The following RANBP2 variants were observed in gnomAD, a reference collection of about 807,000 sequenced individuals.
RANBP2 encodes the protein RAN binding protein 2.
RANBP2 carries 57 observed loss-of-function variants against 303.6 expected under a neutral mutation model. That is an observed-to-expected ratio of 0.19 (90% CI 0.15 to 0.23). The LOEUF is 0.23. RANBP2 is among the 10% of genes least tolerant of loss of function. RANBP2 has a pLI of 1.00. For missense variants in RANBP2, 3,138 were observed against 3,780.8 expected, an observed-to-expected ratio of 0.83 and a Z score of 4.46; for synonymous variants, 1,167 against 1,301.5, an observed-to-expected ratio of 0.90 and a Z score of 2.23.
At chr2:109,047,257 T>G in the RANBP2 span, among the ~76,000 whole-genome samples, 32 of 152,198 alleles carry the variant, frequency 2.1e-4, no homozygotes, top group African/African-American at 7.7e-4. Flanking sequence ...AGTCCCCCAC[T>G]GCTGTGCAAC....
At chr2:109,622,651 GC>G in the RANBP2 span, among the ~76,000 whole-genome samples, 312 of 152,186 alleles carry the variant, frequency 2.1e-3, no homozygotes, top group African/African-American at 6.6e-3. Flanking sequence ...CTTTGTTTAG[GC>G]TCACCTCCCC....
At chr2:108,758,381 T>C in intron 17 of RANBP2, 32 bp from the exon 18 acceptor site, 1 of 1,611,772 alleles carries the variant, frequency 6.2e-7, no homozygotes, top group Non-Finnish European at 8.5e-7. Flanking sequence ...ATTAAATGTT[T>C]AAAATTATTT....
At chr2:109,401,155 G>T in the RANBP2 span, among the ~76,000 whole-genome samples, 5 of 152,280 alleles carry the variant, frequency 3.3e-5, no homozygotes, top group East Asian at 3.9e-4. Context: ...TGCTAAGACT[G>T]GGGGGAGCTC....
chr2:109,013,595 C>CTT, the RANBP2 span, among the ~76,000 whole-genome samples: 4 of 144,810 alleles, frequency 2.8e-5, no homozygotes, highest in African/African-American at 5.0e-5. Flanking sequence ...TCTTTCCAAT[C>CTT]TTTTTTTTTT....
the RANBP2 span, among the ~76,000 whole-genome samples, chr2:109,296,399 T>TTGTG: frequency 6.6e-6 from 1 of 151,684 alleles, no homozygotes. Flanking sequence ...AGTTTTTTTT[T>TTGTG]TGTGTGTGTG....
chr2:109,306,093 C>G, the RANBP2 span, among the ~76,000 whole-genome samples: 27 of 152,214 alleles, frequency 1.8e-4, no homozygotes, highest in Non-Finnish European at 3.5e-4. Context: ...TTGCTTTTGT[C>G]TACCTCACGC....
the RANBP2 span, among the ~76,000 whole-genome samples, chr2:109,097,459 T>C: frequency 4.0e-5 from 6 of 151,332 alleles, no homozygotes; most frequent in African/African-American, 1.5e-4. Flanking sequence ...AAAAAAAAAA[T>C]CTGCTTATTC....
At chr2:109,463,124 G>A in the RANBP2 span, among the ~76,000 whole-genome samples, 1 of 152,320 alleles carries the variant, frequency 6.6e-6, no homozygotes, top group Admixed American at 6.5e-5. Flanking sequence ...GGAATTGATT[G>A]AAGGGTTGTG....
At chr2:109,511,395 C>A in the RANBP2 span, among the ~76,000 whole-genome samples, 1 of 152,342 alleles carries the variant, frequency 6.6e-6, no homozygotes, top group South Asian at 2.1e-4. Flanking sequence ...ACAACATACT[C>A]TTTGATCAAA....
chr2:109,273,434 GGA>G, the RANBP2 span, among the ~76,000 whole-genome samples: 2 of 152,258 alleles, frequency 1.3e-5, no homozygotes, highest in African/African-American at 4.8e-5. Flanking sequence ...CCTGCCCCCA[GGA>G]GGTGTGCGGG....
the RANBP2 span, among the ~76,000 whole-genome samples, chr2:109,115,109 G>A: frequency 6.6e-6 from 1 of 152,196 alleles, no homozygotes; most frequent in Non-Finnish European, 1.5e-5. Context: ...TGTATATTCT[G>A]TTGATTTGGG....
chr2:109,051,272 T>A, the RANBP2 span, among the ~76,000 whole-genome samples: 1 of 152,240 alleles, frequency 6.6e-6, no homozygotes, highest in African/African-American at 2.4e-5. Context: ...ACCTTTCTTG[T>A]CTGTTCTGAG....
the RANBP2 span, among the ~76,000 whole-genome samples, chr2:109,305,537 T>C: frequency 2.0e-5 from 3 of 152,166 alleles, no homozygotes; most frequent in Non-Finnish European, 4.4e-5. Flanking sequence ...AGAAGTGCTG[T>C]GTGGAAATTA....
chr2:108,857,779 A>G, the RANBP2 span, among the ~76,000 whole-genome samples: 1 of 152,234 alleles, frequency 6.6e-6, no homozygotes, highest in Non-Finnish European at 1.5e-5. Flanking sequence ...TTAAGTGCCT[A>G]GATTCCCAAC....
chr2:108,900,595 A>G, the RANBP2 span, among the ~76,000 whole-genome samples: 1 of 151,988 alleles, frequency 6.6e-6, no homozygotes, highest in African/African-American at 2.4e-5. Context: ...AACCAAACCA[A>G]AACAAAAAAA....
At chr2:109,411,529 A>G in the RANBP2 span, among the ~76,000 whole-genome samples, 1 of 152,182 alleles carries the variant, frequency 6.6e-6, no homozygotes, top group South Asian at 2.1e-4. Flanking sequence ...ATCCGTAGCA[A>G]CAGAGACCAG....
chr2:109,136,130 G>C, the RANBP2 span, among the ~76,000 whole-genome samples: 1 of 152,062 alleles, frequency 6.6e-6, no homozygotes, highest in South Asian at 2.1e-4. Context: ...GACAGATTCG[G>C]GGCTCAGTTT....
the RANBP2 span, among the ~76,000 whole-genome samples, chr2:108,864,935 T>C: frequency 6.6e-6 from 1 of 152,152 alleles, no homozygotes; most frequent in East Asian, 1.9e-4. Context: ...CACACCAGCC[T>C]GGGCAAGAGT....
the RANBP2 span, among the ~76,000 whole-genome samples, chr2:108,903,795 C>T: frequency 6.6e-6 from 1 of 152,036 alleles, no homozygotes; most frequent in Non-Finnish European, 1.5e-5. Flanking sequence ...AAATGTAAAA[C>T]ATAAAAACTA....
Sources: allele counts gnomAD v4.1 joint callset (sites outside exome capture counted in the v4.1 genomes callset), GRCh38; gene constraint gnomAD v4.1.1; transcripts MANE v1.5; gene names NCBI Gene and HGNC (gene_info 2026-07-23, HGNC 2026-07-21).